CSMD1: variants seen among roughly 807,000 people sequenced by gnomAD.
The protein encoded by CSMD1 is CUB and Sushi multiple domains 1, also known as CUB and sushi domain-containing protein 1.
CSMD1 carries 213 observed loss-of-function variants against 417.5 expected under a neutral mutation model. The observed-to-expected ratio is 0.51, with a 90% confidence interval of 0.46 to 0.57. The LOEUF is 0.57. Ranked by LOEUF, CSMD1 falls within the 20% of genes least tolerant of loss-of-function variation. The probability of loss-of-function intolerance (pLI) is 0.00; values close to 1 mark genes in which losing one functional copy is unlikely to be tolerated. For missense variants in CSMD1, 6,923 were observed against 4,529.7 expected (o/e 1.53, Z -15.17); for synonymous variants, 2,862 against 1,736.8 (o/e 1.65, Z -16.11).
intron 5 of CSMD1, among the ~76,000 whole-genome samples, chr8:3,863,900 T>C (rs1468987357): frequency 1.3e-5 from 2 of 152,200 alleles, no homozygotes; most frequent in Non-Finnish European, 2.9e-5. Context: ...ACTATAAAAC[T>C]GACACGTATC....
intron 12 of CSMD1, among the ~76,000 whole-genome samples, chr8:3,410,813 A>G (rs1222210294): frequency 6.6e-6 from 1 of 152,174 alleles, no homozygotes; most frequent in East Asian, 1.9e-4. Context: ...ATCATAGCTC[A>G]CTGCAACTTC....
At chr8:4,446,543 G>A (rs999043138) in intron 2 of CSMD1, among the ~76,000 whole-genome samples, 1 of 152,014 alleles carries the variant, frequency 6.6e-6, no homozygotes, top group Non-Finnish European at 1.5e-5. Flanking sequence ...TGAGACCCCG[G>A]TTCTGCTTTG....
At chr8:4,899,339 T>C (rs1179890685) in intron 1 of CSMD1, among the ~76,000 whole-genome samples, 2 of 25,992 alleles carry the variant, frequency 7.7e-5, no homozygotes, top group African/African-American at 4.1e-4. Context: ...TGGCATACAC[T>C]AACAAAAAGT....
chr8:3,502,225 C>T (rs1032911223), intron 10 of CSMD1, among the ~76,000 whole-genome samples: 5 of 151,766 alleles, frequency 3.3e-5, no homozygotes, highest in African/African-American at 9.7e-5. Context: ...ATTAGCCGGG[C>T]ATGGTGGTGG....
intron 2 of CSMD1, among the ~76,000 whole-genome samples, chr8:4,558,297 A>G (rs981771006): frequency 6.6e-6 from 1 of 152,208 alleles, no homozygotes; most frequent in African/African-American, 2.4e-5. Flanking sequence ...CTTTTGGAAG[A>G]TTTCCACTTA....
At chr8:3,571,677 T>C (rs1250598559) in intron 10 of CSMD1, among the ~76,000 whole-genome samples, 1 of 151,956 alleles carries the variant, frequency 6.6e-6, no homozygotes, top group Non-Finnish European at 1.5e-5. Flanking sequence ...GGGGGTCCTG[T>C]GTTCCTCCCT....
At chr8:3,897,537 A>G (rs1762613540) in intron 5 of CSMD1, among the ~76,000 whole-genome samples, 1 of 152,136 alleles carries the variant, frequency 6.6e-6, no homozygotes, top group African/African-American at 2.4e-5. Flanking sequence ...TGTACACTAT[A>G]AGTTATATAA....
At chr8:4,932,884 A>T (rs56125232) in intron 1 of CSMD1, among the ~76,000 whole-genome samples, 1 of 152,032 alleles carries the variant, frequency 6.6e-6, no homozygotes, top group Non-Finnish European at 1.5e-5. Flanking sequence ...TGCAATATTA[A>T]TTTTTACTAT....
rs1800002724 is a variant in CSMD1 at position 3,795,270 on chromosome 8, C to G, written c.819-41228G>C. Among the ~76,000 whole-genome samples the G allele has an allele frequency of 3.4e-5, 2 of 59,400 alleles. 1 individual carries two copies. The highest frequency in any genetic ancestry group is 7.2e-5 in the Non-Finnish European group (2 of 27,756). 39.0% of individuals were successfully genotyped at this position (59,400 alleles called of 152,430 possible). On this transcript the variant is annotated intron_variant, in intron 5 of 69. Transcript: ENST00000635120. ...TGTACACATATAGATATATATCTAT[C>G]ATGTACAGATATATATATCATGTAC... is the stretch of plus-strand genomic sequence containing the variant.
At chr8:3,550,068 TA>T (rs1798842629) in intron 10 of CSMD1, among the ~76,000 whole-genome samples, 1 of 152,038 alleles carries the variant, frequency 6.6e-6, no homozygotes, top group South Asian at 2.1e-4. Flanking sequence ...TCATTCTAAG[TA>T]AAAGGCAAGA....
At chr8:4,549,569 C>T (rs1363683008) in intron 2 of CSMD1, among the ~76,000 whole-genome samples, 2 of 152,022 alleles carry the variant, frequency 1.3e-5, no homozygotes, top group Non-Finnish European at 2.9e-5. Flanking sequence ...TCCCGCATTA[C>T]GTGATGCTGG....
At chr8:3,793,380 AAACC>A (rs764993597) in intron 5 of CSMD1, among the ~76,000 whole-genome samples, 20 of 152,222 alleles carry the variant, frequency 1.3e-4, no homozygotes, top group Middle Eastern at 6.8e-3. Flanking sequence ...TTCTGTTCAG[AAACC>A]AACCCATATT....
At chr8:3,320,669 G>A (rs1368200054) in intron 23 of CSMD1, among the ~76,000 whole-genome samples, 1 of 152,188 alleles carries the variant, frequency 6.6e-6, no homozygotes, top group Non-Finnish European at 1.5e-5. Context: ...CAAGAGCGCA[G>A]TTCCTCCTTT....
rs1802210479 is a variant in CSMD1 at position 3,722,069 on chromosome 8, A to T, written c.932-13578T>A. 2.6e-5 allele frequency among the ~76,000 whole-genome samples: 4 copies of T among 152,176 alleles called. No homozygotes were observed. The South Asian group carries it at 6.2e-4, about 24-fold the overall frequency. On this transcript the variant is annotated intron_variant, in intron 6 of 69. Transcript: ENST00000635120. ...CAGAAGCATAAGGAAGAGGCCGGGCAAAGTGGCTCATGCCTGTAATCTCAG... is the reference window on the plus strand; with the variant it reads ...CAGAAGCATAAGGAAGAGGCCGGGCTAAGTGGCTCATGCCTGTAATCTCAG...
At chr8:4,213,388 C>G (rs1175392459) in intron 3 of CSMD1, among the ~76,000 whole-genome samples, 1 of 152,128 alleles carries the variant, frequency 6.6e-6, no homozygotes, top group Non-Finnish European at 1.5e-5. Flanking sequence ...AATTTACATG[C>G]TTCAATCCAT....
chr8:3,345,426 C>T (rs181573562), intron 22 of CSMD1, among the ~76,000 whole-genome samples: 1 of 152,074 alleles, frequency 6.6e-6, no homozygotes, highest in East Asian at 1.9e-4. Flanking sequence ...CGTTGATGAA[C>T]ATGGAACACT....
intron 5 of CSMD1, among the ~76,000 whole-genome samples, chr8:3,930,265 G>A (rs1032753555): frequency 1.3e-5 from 2 of 150,176 alleles, no homozygotes; most frequent in Non-Finnish European, 3.0e-5. Context: ...CATCTAATTA[G>A]GAATAAATAG....
intron 3 of CSMD1, among the ~76,000 whole-genome samples, chr8:4,167,901 G>A (rs1319919946): frequency 2.6e-5 from 4 of 151,928 alleles, no homozygotes; most frequent in African/African-American, 9.7e-5. Flanking sequence ...GCTGAGGCAG[G>A]CGGACTGCCT....
chr8:2,940,152 G>A (rs1585026775), intron 69 of CSMD1, among the ~76,000 whole-genome samples: 1 of 152,240 alleles, frequency 6.6e-6, no homozygotes, highest in South Asian at 2.1e-4. Context: ...AGCCAGTGTA[G>A]AGAGTGCTAC....
Sources: allele counts gnomAD v4.1 joint callset (sites outside exome capture counted in the v4.1 genomes callset), GRCh38; gene constraint gnomAD v4.1.1; transcripts MANE v1.5; gene names NCBI Gene and HGNC (gene_info 2026-07-23, HGNC 2026-07-21).